The following ENOX1 variants were observed in gnomAD, a reference collection of about 807,000 sequenced individuals.
The protein encoded by ENOX1 is ecto-NOX disulfide-thiol exchanger 1, also known as candidate growth-related and time keeping constitutive hydroquinone (NADH) oxidase.
In ENOX1, 42 loss-of-function variants were observed where a neutral mutation model predicts 82.5. The observed-to-expected ratio is 0.51, with a 90% CI of 0.40 to 0.66. ENOX1 has a LOEUF of 0.66. Among genes scored for constraint, ENOX1 ranks in the 30% least tolerant of loss-of-function variants. The probability of loss-of-function intolerance (pLI) is 0.00; values close to 1 mark genes in which losing one functional copy is unlikely to be tolerated. For synonymous variants in ENOX1, 271 were observed against 282.2 expected, an observed-to-expected ratio of 0.96 and a Z score of 0.40; for missense variants, 608 against 811.6, an observed-to-expected ratio of 0.75 and a Z score of 3.05.
chr13:43,214,312 C>T (rs2041347065), intron 16 of ENOX1, among the ~76,000 whole-genome samples, 191 bp from the exon 17 acceptor site: 1 of 152,072 alleles, frequency 6.6e-6, no homozygotes. Context: ...GAGCAGCTGG[C>T]GGGGTGGGGC....
intron 14 of ENOX1, among the ~76,000 whole-genome samples, chr13:43,254,879 T>C (rs1417732013): frequency 6.6e-6 from 1 of 152,046 alleles, no homozygotes; most frequent in African/African-American, 2.4e-5. Context: ...AGTAATGAGA[T>C]TGAAGCAGTA....
At chr13:43,727,504 T>C (rs1365066886) in intron 1 of ENOX1, among the ~76,000 whole-genome samples, 1 of 152,232 alleles carries the variant, frequency 6.6e-6, no homozygotes, top group Non-Finnish European at 1.5e-5. Context: ...ATGGGGTTCC[T>C]GCTGTCAGTT....
intron 2 of ENOX1, among the ~76,000 whole-genome samples, chr13:43,592,658 G>T (rs1246031515): frequency 6.6e-6 from 1 of 152,106 alleles, no homozygotes; most frequent in Non-Finnish European, 1.5e-5. Flanking sequence ...ATGAAATATA[G>T]AAGGAAGGGA....
intron 2 of ENOX1, among the ~76,000 whole-genome samples, chr13:43,553,570 G>T (rs1315230672): frequency 1.3e-5 from 2 of 152,136 alleles, no homozygotes; most frequent in African/African-American, 4.8e-5. Context: ...CAAATTGTTA[G>T]TTCCTGCAGA....
At chr13:43,638,920 G>A (rs1214709314) in intron 2 of ENOX1, among the ~76,000 whole-genome samples, 1 of 152,074 alleles carries the variant, frequency 6.6e-6, no homozygotes, top group Non-Finnish European at 1.5e-5. Context: ...TTTTGTTTTT[G>A]TTTTCCTTTC....
intron 2 of ENOX1, among the ~76,000 whole-genome samples, chr13:43,515,579 C>T (rs977003357): frequency 1.1e-4 from 17 of 152,260 alleles, no homozygotes; most frequent in Non-Finnish European, 2.1e-4. Flanking sequence ...TTACAATACT[C>T]ATGTTATAGA....
chr13:43,216,966 T>C (rs556341309), intron 16 of ENOX1, among the ~76,000 whole-genome samples: 68 of 152,308 alleles, frequency 4.5e-4, no homozygotes, highest in African/African-American at 1.6e-3. Flanking sequence ...GAAAACACTA[T>C]TTAATTCTCA....
intron 2 of ENOX1, among the ~76,000 whole-genome samples, chr13:43,494,013 T>A (rs1219782855): frequency 6.6e-6 from 1 of 152,120 alleles, no homozygotes; most frequent in African/African-American, 2.4e-5. Flanking sequence ...AACTACCAAA[T>A]ACTTATAAAA....
chr13:43,332,185 A>C (rs555456673), intron 9 of ENOX1, among the ~76,000 whole-genome samples: 2 of 152,170 alleles, frequency 1.3e-5, no homozygotes, highest in Non-Finnish European at 2.9e-5. Context: ...CGTTTTTGGC[A>C]CCAGGAAATG....
intron 2 of ENOX1, among the ~76,000 whole-genome samples, chr13:43,593,474 C>CAAAAT (rs2081327890): frequency 1.3e-4 from 1 of 7,746 alleles, no homozygotes; most frequent in Admixed American, 2.7e-3. Context: ...ACCCTTAAAA[C>CAAAAT]AAAACAAAAC....
intron 2 of ENOX1, among the ~76,000 whole-genome samples, chr13:43,484,633 A>C (rs2076351740): frequency 6.6e-6 from 1 of 152,230 alleles, no homozygotes; most frequent in East Asian, 1.9e-4. Context: ...GCCTTAGGGC[A>C]GGTACTTTCC....
At chr13:43,362,712 A>G (rs1165612655) in intron 5 of ENOX1, among the ~76,000 whole-genome samples, 2 of 152,220 alleles carry the variant, frequency 1.3e-5, no homozygotes, top group African/African-American at 2.4e-5. Context: ...GCTCCAGAGA[A>G]TACAGAAGGT....
chr13:43,483,984 G>A, intron 3 of ENOX1, 25 bp downstream of exon 3: 3 of 985,184 alleles, frequency 3.0e-6, no homozygotes, highest in Non-Finnish European at 3.6e-6. Flanking sequence ...TCTTCAGTAA[G>A]AAAAATGAAA....
At chr13:43,696,702 C>T (rs909515874) in intron 1 of ENOX1, among the ~76,000 whole-genome samples, 1 of 151,666 alleles carries the variant, frequency 6.6e-6, no homozygotes, top group Non-Finnish European at 1.5e-5. Context: ...TGGATGCACG[C>T]ACTTAGACCT....
At chr13:43,442,384 G>T (rs2056409452) in intron 3 of ENOX1, among the ~76,000 whole-genome samples, 1 of 152,140 alleles carries the variant, frequency 6.6e-6, no homozygotes, top group African/African-American at 2.4e-5. Context: ...CCAGAGCCAA[G>T]AATATTATTT....
chr13:43,751,960 AT>A (rs1950345852), intron 1 of ENOX1, among the ~76,000 whole-genome samples: 1 of 152,158 alleles, frequency 6.6e-6, no homozygotes, highest in Admixed American at 6.5e-5. Flanking sequence ...CTGCCAAACT[AT>A]TTTCCAACAG....
At position 43,224,072 on chromosome 13, in the gene ENOX1, A is replaced by G; in HGVS notation, c.1781T>C (p.Met594Thr). ...GANIEYLWSYMQQLDSKISAN... is the reference protein window; with the variant it reads ...GANIEYLWSYTQQLDSKISAN... ...ATTTACCTTGGAGTCCAGCTGCTGC[A>G]TGTATGACCAAAGATATTCTATGTT... Residue 594 changes from methionine (M) to threonine (T), a missense_variant, in exon 16 of 17, where the codon ATG becomes ACG. Met to Thr is a moderately conservative substitution (Grantham distance 81). Coordinates refer to ENST00000690772, the MANE Select transcript of ENOX1 (RefSeq NM_001347969.2). The G allele has an allele frequency of 6.2e-6, 10 of 1,613,984 alleles. No homozygotes were observed. Among genetic ancestry groups the G allele is most frequent in the Non-Finnish European group, 8.5e-6 (10 of 1,179,854 alleles).
chr13:43,384,528 G>A (rs1262994348), intron 5 of ENOX1, among the ~76,000 whole-genome samples: 1 of 152,096 alleles, frequency 6.6e-6, no homozygotes, highest in Non-Finnish European at 1.5e-5. Flanking sequence ...ACAAAACTGG[G>A]ACTCAGAGAA....
intron 12 of ENOX1, among the ~76,000 whole-genome samples, chr13:43,288,310 G>C (rs772008939): frequency 6.6e-6 from 1 of 152,026 alleles, no homozygotes; most frequent in Non-Finnish European, 1.5e-5. Flanking sequence ...CTTTTAATAT[G>C]AATGTGGGAA....
Sources: gnomAD v4.1 joint callset for allele counts (sites outside exome capture counted in the v4.1 genomes callset) on GRCh38, gnomAD v4.1.1 for gene constraint, MANE v1.5 for transcripts, NCBI Gene and HGNC (gene_info 2026-07-23, HGNC 2026-07-21) for gene names.